FAM13B: variants seen among roughly 807,000 people sequenced by gnomAD.
FAM13B encodes the protein protein FAM13B.
In FAM13B, 60 loss-of-function variants were observed where a neutral mutation model predicts 117.3. The observed-to-expected ratio is 0.51, with a 90% CI of 0.42 to 0.63. The LOEUF is 0.63. FAM13B is among the 30% of genes least tolerant of loss of function. FAM13B has a pLI of 0.00. For missense variants in FAM13B, 972 were observed against 1,091.9 expected, an observed-to-expected ratio of 0.89 and a Z score of 1.55; for synonymous variants, 332 against 356.1, an observed-to-expected ratio of 0.93 and a Z score of 0.76.
intron 4 of FAM13B, 54 bp from the exon 5 acceptor site, chr5:138,011,999 A>G (rs1350144765): frequency 4.5e-6 from 6 of 1,333,308 alleles, no homozygotes; most frequent in Middle Eastern, 2.7e-4. Flanking sequence ...CAAAGCTCTG[A>G]TATTTTGCCA....
At chr5:137,955,776 C>T (rs1404389631) in intron 14 of FAM13B, among the ~76,000 whole-genome samples, 2 of 152,076 alleles carry the variant, frequency 1.3e-5, no homozygotes, top group African/African-American at 4.8e-5. Flanking sequence ...GTGTTACAGG[C>T]GCCTGCTACC....
At chr5:137,972,547 C>T (rs1751508163) in intron 10 of FAM13B, among the ~76,000 whole-genome samples, 2 of 151,944 alleles carry the variant, frequency 1.3e-5, no homozygotes, top group Middle Eastern at 3.4e-3. Flanking sequence ...TGAAAAATGG[C>T]ACAAGACAGG....
intron 17 of FAM13B, among the ~76,000 whole-genome samples, chr5:137,951,487 A>G (rs372523001): frequency 4.4e-4 from 66 of 151,616 alleles, no homozygotes; most frequent in South Asian, 2.3e-3. Context: ...CAAGACCCCA[A>G]CTCTATACAA....
At chr5:138,016,394 A>G (rs1365078461) in intron 4 of FAM13B, among the ~76,000 whole-genome samples, 1 of 152,206 alleles carries the variant, frequency 6.6e-6, no homozygotes, top group African/African-American at 2.4e-5. Flanking sequence ...GGAAACTGAG[A>G]CAGGAGGATC....
chr5:138,028,447 C>A (rs999398810), intron 1 of FAM13B, among the ~76,000 whole-genome samples: 2 of 152,012 alleles, frequency 1.3e-5, no homozygotes, highest in Admixed American at 6.5e-5. Flanking sequence ...AGATAGGTCC[C>A]CTGAGATTAA....
chr5:137,966,100 TA>T (rs34781504), intron 10 of FAM13B, among the ~76,000 whole-genome samples: 47,469 of 150,666 alleles, frequency 0.32, 7,669 homozygotes, highest in South Asian at 0.37. Context: ...AGTAGCACAT[TA>T]AAAAAAAAAT....
At chr5:138,002,140 C>A (rs979771799) in intron 7 of FAM13B, among the ~76,000 whole-genome samples, 1 of 152,120 alleles carries the variant, frequency 6.6e-6, no homozygotes, top group Non-Finnish European at 1.5e-5. Flanking sequence ...ACATGTTATA[C>A]TAATGAAATC....
intron 7 of FAM13B, among the ~76,000 whole-genome samples, chr5:137,997,212 G>A (rs566268156): frequency 4.5e-4 from 68 of 152,158 alleles, no homozygotes; most frequent in Non-Finnish European, 8.4e-4. Context: ...GCTCACACCC[G>A]TAATCCCAGC....
At chr5:138,037,723 TG>T (rs1394530262), upstream of FAM13B, among the ~76,000 whole-genome samples, 26 of 152,288 alleles carry the variant, frequency 1.7e-4, no homozygotes, top group African/African-American at 5.3e-4. Context: ...GTTTGAGTAC[TG>T]GGATATAGAT....
rs1052758560 is a variant in FAM13B, at chr5:138,051,876, AC to A, written c.-203+1del. The A allele has an allele frequency of 3.7e-4, 56 of 152,100 alleles. No individual in the cohort carries two copies. Among genetic ancestry groups the A allele is most frequent in the African/African-American group, 1.4e-3 (56 of 41,416 alleles). 9.4% of individuals were successfully genotyped at this position (152,100 alleles called of 1,614,324 possible). On this transcript the variant is annotated splice_donor_variant, in intron 1 of 3. Coordinates refer to the FAM13B transcript ENST00000502471. LOFTEE classifies it low-confidence loss of function (5UTR_SPLICE). ...TGGTAGGACCAAAGGAAAATGACTC[AC>A]CCAAACACTCAGCCCTGTAGATGTC...
chr5:138,050,049 G>A (rs1013729457), intron 1 of FAM13B, among the ~76,000 whole-genome samples: 3 of 151,722 alleles, frequency 2.0e-5, no homozygotes, highest in African/African-American at 7.3e-5. Flanking sequence ...TAGGTGAGGG[G>A]ATCGCTTGAG....
intron 10 of FAM13B, among the ~76,000 whole-genome samples, chr5:137,967,562 A>C (rs1056981630): frequency 7.2e-5 from 11 of 152,218 alleles, no homozygotes; most frequent in African/African-American, 2.4e-4. Flanking sequence ...AAATACCATC[A>C]ACCCAACAGA....
chr5:137,958,377 G>T (rs141973167), intron 13 of FAM13B, among the ~76,000 whole-genome samples: 8 of 152,240 alleles, frequency 5.3e-5, no homozygotes, highest in African/African-American at 1.2e-4. Flanking sequence ...GGAGGGTGGG[G>T]AGGAGATGGC....
At chr5:138,021,366 G>A (rs945731436) in intron 1 of FAM13B, among the ~76,000 whole-genome samples, 169 bp from the exon 2 acceptor site, 1 of 152,224 alleles carries the variant, frequency 6.6e-6, no homozygotes, top group African/African-American at 2.4e-5. Flanking sequence ...AACGGTTTCA[G>A]ATGATGATGG....
intron 1 of FAM13B, among the ~76,000 whole-genome samples, chr5:138,051,482 A>G (rs1264840581): frequency 6.6e-6 from 1 of 152,224 alleles, no homozygotes; most frequent in Non-Finnish European, 1.5e-5. Context: ...AGCCAATCTA[A>G]TGAGCAAAAA....
In FAM13B at chr5:137,943,040, TAA is replaced by T. The variant is rs1561725714; in HGVS notation, c.2425-4_2425-3del. On this transcript the variant is annotated splice_polypyrimidine_tract_variant and splice_region_variant and intron_variant, in intron 21 of 23. Transcript: ENST00000689681. ...ATTAACACCATCTTCTTCTTCCTCCTAAAAAGATATCCAAACAGAGAATCAAA... is the reference window on the plus strand; with the variant it reads ...ATTAACACCATCTTCTTCTTCCTCCTAAAGATATCCAAACAGAGAATCAAA... 1 of 1,612,642 alleles carries T rather than the reference TAA, an allele frequency of 6.2e-7. No homozygotes were observed. The highest frequency in any genetic ancestry group is 1.7e-5 in the Admixed American group (1 of 59,662).
At chr5:138,010,965 A>AAG (rs778849262) in intron 6 of FAM13B, 43 bp downstream of exon 6, 3 of 1,401,474 alleles carry the variant, frequency 2.1e-6, no homozygotes, top group East Asian at 5.4e-5. Context: ...CTTAAAAAAA[A>AAG]AAAAAAAAAA....
At chr5:137,962,302 C>T (rs1768356981) in intron 11 of FAM13B, 103 bp downstream of exon 11, 1 of 877,210 alleles carries the variant, frequency 1.1e-6, no homozygotes, top group African/African-American at 1.7e-5. Flanking sequence ...ATTATCTAAA[C>T]TATATATTTA....
At chr5:138,012,215 T>C (rs1581248803) in intron 4 of FAM13B, among the ~76,000 whole-genome samples, 1 of 76,810 alleles carries the variant, frequency 1.3e-5, no homozygotes, top group African/African-American at 4.8e-5. Context: ...GCCCCAATTC[T>C]CTTTTTTTTT....
Sources: gnomAD v4.1 joint callset for allele counts (sites outside exome capture counted in the v4.1 genomes callset) on GRCh38, gnomAD v4.1.1 for gene constraint, MANE v1.5 for transcripts, NCBI Gene and HGNC (gene_info 2026-07-23, HGNC 2026-07-21) for gene names.